Variants in ANO3 observed in about 807,000 individuals in gnomAD.
ANO3 encodes anoctamin-3.
Under a neutral mutation model 144.8 loss-of-function variants are expected in ANO3, and 99 were observed. The ratio of observed to expected loss-of-function variants is 0.68; its 90% CI spans 0.58 to 0.81. ANO3 has a LOEUF of 0.81. ANO3 is among the 30% of genes least tolerant of loss of function. The probability of loss-of-function intolerance (pLI) is 0.00; values close to 1 mark genes in which losing one functional copy is unlikely to be tolerated. For missense variants in ANO3, 905 were observed against 1,202.2 expected (o/e 0.75, Z 3.66); for synonymous variants, 414 against 392.6 (o/e 1.05, Z -0.64).
chr11:26,386,975 G>A (rs1281635019), intron 1 of ANO3, among the ~76,000 whole-genome samples: 1 of 151,770 alleles, frequency 6.6e-6, no homozygotes, highest in Non-Finnish European at 1.5e-5. Context: ...CTGGGGAGAG[G>A]GAGACACACT....
chr11:26,652,443 C>T (rs1853562387), intron 24 of ANO3, among the ~76,000 whole-genome samples: 1 of 152,088 alleles, frequency 6.6e-6, no homozygotes, highest in African/African-American at 2.4e-5. Context: ...ATGTAGCCTG[C>T]CTCCTCCAAG....
intron 14 of ANO3, among the ~76,000 whole-genome samples, chr11:26,595,947 C>T (rs1851615135): frequency 6.6e-6 from 1 of 152,142 alleles, no homozygotes; most frequent in Non-Finnish European, 1.5e-5. Flanking sequence ...CAATTGAATG[C>T]ATTTGGGCCA....
intron 1 of ANO3, among the ~76,000 whole-genome samples, chr11:26,232,613 C>T (rs1852425648): frequency 6.6e-6 from 1 of 152,096 alleles, no homozygotes. Context: ...CTACCTTACA[C>T]CTTATACAAA....
chr11:26,260,666 C>G (rs917482167), intron 1 of ANO3, among the ~76,000 whole-genome samples: 2 of 152,170 alleles, frequency 1.3e-5, no homozygotes, highest in African/African-American at 4.8e-5. Context: ...TTTACTCACT[C>G]AAACACTGAC....
chr11:26,353,286 C>T (rs1286841134), intron 1 of ANO3, among the ~76,000 whole-genome samples: 2 of 152,148 alleles, frequency 1.3e-5, no homozygotes, highest in Non-Finnish European at 2.9e-5. Context: ...TAGGTGAAAC[C>T]TAGGTCAAAT....
intron 1 of ANO3, among the ~76,000 whole-genome samples, chr11:26,384,142 C>T (rs906965878): frequency 6.6e-6 from 1 of 151,894 alleles, no homozygotes; most frequent in Non-Finnish European, 1.5e-5. Context: ...ACTCGTGATC[C>T]GCCCGCCTTG....
At chr11:26,261,259 TAC>T (rs1287612480) in intron 1 of ANO3, among the ~76,000 whole-genome samples, 1 of 152,212 alleles carries the variant, frequency 6.6e-6, no homozygotes, top group Non-Finnish European at 1.5e-5. Context: ...ATTTTCAATC[TAC>T]ACACTTATTT....
At chr11:26,355,706 C>T (rs1490505796) in intron 1 of ANO3, among the ~76,000 whole-genome samples, 1 of 142,580 alleles carries the variant, frequency 7.0e-6, no homozygotes, top group Non-Finnish European at 1.5e-5. Flanking sequence ...ATTACAGGCG[C>T]CCCCCACCAC....
intron 12 of ANO3, among the ~76,000 whole-genome samples, chr11:26,552,667 T>A (rs1346010621): frequency 6.6e-6 from 1 of 152,066 alleles, no homozygotes; most frequent in Non-Finnish European, 1.5e-5. Context: ...AAAGTTACAT[T>A]CTATTAGAGA....
At chr11:26,400,843 A>AT (rs1857128934) in intron 1 of ANO3, among the ~76,000 whole-genome samples, 1 of 147,926 alleles carries the variant, frequency 6.8e-6, no homozygotes, top group Non-Finnish European at 1.5e-5. Context: ...TGCCTAGATG[A>AT]ATATATATAT....
intron 1 of ANO3, among the ~76,000 whole-genome samples, chr11:26,379,536 C>G (rs950619667): frequency 6.6e-6 from 1 of 151,978 alleles, no homozygotes; most frequent in Non-Finnish European, 1.5e-5. Context: ...AATCTCAGCA[C>G]TTTAGGAGGC....
At chr11:26,404,505 G>T (rs139958089) in intron 1 of ANO3, among the ~76,000 whole-genome samples, 3 of 151,766 alleles carry the variant, frequency 2.0e-5, no homozygotes, top group African/African-American at 7.2e-5. Flanking sequence ...ATTCTAGTGA[G>T]TAAGAGTATT....
chr11:26,190,617 C>T (rs1327569259), intron 1 of ANO3, among the ~76,000 whole-genome samples: 3 of 152,122 alleles, frequency 2.0e-5, no homozygotes, highest in African/African-American at 7.2e-5. Context: ...CTAGTCATTT[C>T]TGTCAGAGTT....
intron 20 of ANO3, among the ~76,000 whole-genome samples, chr11:26,637,347 A>G (rs1160633352): frequency 6.6e-6 from 1 of 152,148 alleles, no homozygotes; most frequent in East Asian, 1.9e-4. Context: ...TGTTAAACCC[A>G]CACTTCAAGG....
chr11:26,565,440 G>A (rs1850531683), intron 14 of ANO3: 1 of 1,613,354 alleles, frequency 6.2e-7, no homozygotes, highest in Non-Finnish European at 8.5e-7. Context: ...AGCAGGTGTA[G>A]CATTGGGATG....
chr11:26,400,176 T>C lies in ANO3; in HGVS notation c.47-41742T>C, dbSNP rs529402569. On this transcript the variant is annotated intron_variant, in intron 1 of 26. Transcript: ENST00000256737. ...TGATCTGGAGCATTAACCAAAACCA[T>C]GTGAGGAAACTTCAATATGTGAGGT... 5.1e-4 allele frequency among the ~76,000 whole-genome samples: 78 copies of C among 152,134 alleles called. 1 individual carries two copies. The highest frequency in any genetic ancestry group is 1.8e-3 in the African/African-American group (75 of 41,548).
chr11:26,479,226 G>T (rs1490429972), intron 4 of ANO3, among the ~76,000 whole-genome samples: 1 of 152,244 alleles, frequency 6.6e-6, no homozygotes, highest in East Asian at 1.9e-4. Flanking sequence ...TTTTTGTTAG[G>T]AGAGGCTATG....
At chr11:26,321,863 GCTTTAT>G (rs925628683) in intron 1 of ANO3, among the ~76,000 whole-genome samples, 43 of 152,102 alleles carry the variant, frequency 2.8e-4, no homozygotes, top group African/African-American at 1.0e-3. Context: ...GTTCAAGGAA[GCTTTAT>G]CTTTATTTGT....
chr11:26,656,263 C>T, intron 25 of ANO3, 58 bp downstream of exon 25: 1 of 1,508,536 alleles, frequency 6.6e-7, no homozygotes, highest in Non-Finnish European at 9.2e-7. Context: ...CTCCCCCCTG[C>T]ATGTTAATGA....
Sources: allele counts gnomAD v4.1 joint callset (sites outside exome capture counted in the v4.1 genomes callset), GRCh38; gene constraint gnomAD v4.1.1; transcripts MANE v1.5; gene names NCBI Gene and HGNC (gene_info 2026-07-23, HGNC 2026-07-21).